DAB1: variants seen among roughly 807,000 people sequenced by gnomAD.
DAB1 encodes DAB adaptor protein 1, also known as disabled homolog 1.
A neutral mutation model predicts 64.6 loss-of-function variants in DAB1; 15 were observed. The ratio of observed to expected loss-of-function variants is 0.23; its 90% CI spans 0.16 to 0.36. The LOEUF (loss-of-function observed/expected upper bound fraction) is 0.36. DAB1 is among the 10% of genes least tolerant of loss of function. The probability of loss-of-function intolerance (pLI) is 1.00; values close to 1 mark genes in which losing one functional copy is unlikely to be tolerated. For synonymous variants in DAB1, 235 were observed against 251.9 expected (o/e 0.93, Z 0.64); for missense variants, 596 against 706.7 (o/e 0.84, Z 1.78).
At chr1:58,161,273 C>T (rs1239470521) in intron 4 of DAB1, among the ~76,000 whole-genome samples, 2 of 152,128 alleles carry the variant, frequency 1.3e-5, no homozygotes, top group African/African-American at 2.4e-5. Context: ...AGAGTAAAGC[C>T]TTATAAACAG....
At chr1:57,371,625 A>G (rs1680504019) in intron 1 of DAB1, among the ~76,000 whole-genome samples, 1 of 152,240 alleles carries the variant, frequency 6.6e-6, no homozygotes, top group Admixed American at 6.5e-5. Context: ...CAAAACTCAC[A>G]GCCCTGCTCT....
intron 2 of DAB1, among the ~76,000 whole-genome samples, chr1:57,230,682 C>CAT (rs66693176): frequency 0.55 from 84,026 of 151,644 alleles, 25,382 homozygotes; most frequent in East Asian, 0.76. Flanking sequence ...TATTTTGACA[C>CAT]ATATATATAA....
chr1:58,436,964 C>G (rs1644952111), intron 3 of DAB1, among the ~76,000 whole-genome samples: 1 of 152,210 alleles, frequency 6.6e-6, no homozygotes, highest in Non-Finnish European at 1.5e-5. Flanking sequence ...TCTCTCTGTC[C>G]CAGCACCTCT....
chr1:57,697,350 C>T (rs1221886931), intron 6 of DAB1, among the ~76,000 whole-genome samples: 2 of 133,232 alleles, frequency 1.5e-5, no homozygotes, highest in Non-Finnish European at 3.1e-5. Context: ...CTAGCAGAAT[C>T]GAAAATAAAA....
intron 3 of DAB1, among the ~76,000 whole-genome samples, chr1:58,389,337 C>T (rs947147339): frequency 6.6e-6 from 1 of 152,160 alleles, no homozygotes; most frequent in Non-Finnish European, 1.5e-5. Flanking sequence ...ACTCAGGAGA[C>T]TGAGGCAGGA....
At position 58,308,013 on chromosome 1, in the gene DAB1, C is replaced by T. The variant is rs1285691747; in HGVS notation, n.309+35339G>A. Reference sequence around the variant, plus strand: ...GACCTTGAAGAACATGAGAAATTTACCCCCATGTAGAAGGAGAAAGGAGAC... The same window carrying T: ...GACCTTGAAGAACATGAGAAATTTATCCCCATGTAGAAGGAGAAAGGAGAC... On this transcript the variant is annotated intron_variant and non_coding_transcript_variant, in intron 4 of 20. Transcript: ENST00000485760. Among the ~76,000 whole-genome samples the T allele has an allele frequency of 2.6e-5, 4 of 152,064 alleles. No individual in the cohort carries two copies. The East Asian group carries it at 7.7e-4, about 29-fold the overall frequency.
intron 7 of DAB1, among the ~76,000 whole-genome samples, chr1:57,514,405 T>C (rs11207051): frequency 0.07 from 10,651 of 152,222 alleles, 1,166 homozygotes; most frequent in African/African-American, 0.23. Context: ...ATTTTGGTTT[T>C]AATTTGGATT....
intron 3 of DAB1, among the ~76,000 whole-genome samples, chr1:58,361,192 T>C (rs893748414): frequency 6.6e-6 from 1 of 152,218 alleles, no homozygotes; most frequent in Non-Finnish European, 1.5e-5. Context: ...ACCACAGCCT[T>C]GCCCCTGGGT....
At chr1:58,088,245 C>T (rs1650437919) in intron 5 of DAB1, among the ~76,000 whole-genome samples, 1 of 152,178 alleles carries the variant, frequency 6.6e-6, no homozygotes, top group South Asian at 2.1e-4. Context: ...TAGGGTATTG[C>T]TTGAACAACA....
At chr1:57,595,350 T>C (rs1377386284) in intron 7 of DAB1, among the ~76,000 whole-genome samples, 1 of 152,138 alleles carries the variant, frequency 6.6e-6, no homozygotes, top group Non-Finnish European at 1.5e-5. Context: ...ATCAGCTTTT[T>C]TGGGCCCCCA....
In DAB1 at chr1:57,934,008, G is replaced by T. The variant is rs539167382; in HGVS notation, n.388-49846C>A. On this transcript the variant is annotated intron_variant and non_coding_transcript_variant, in intron 5 of 20. Transcript: ENST00000485760. ...CCTCCCAGGTTCAAGCAGTTCTCCTGCCTCAGCCTCCTGAGTAGCTGGGAT... is the reference window on the plus strand; with the variant it reads ...CCTCCCAGGTTCAAGCAGTTCTCCTTCCTCAGCCTCCTGAGTAGCTGGGAT... Among the ~76,000 whole-genome samples the T allele has an allele frequency of 4.6e-5, 7 of 151,094 alleles. No individual in the cohort carries two copies. In the East Asian group the frequency reaches 1.4e-3, roughly 29 times the overall value.
In DAB1 at chr1:57,529,790, T is replaced by G. The variant is rs145537825; in HGVS notation, n.625+119802A>C. On this transcript the variant is annotated intron_variant and non_coding_transcript_variant, in intron 7 of 20. Coordinates refer to the DAB1 transcript ENST00000485760. The stretch of plus-strand genomic sequence containing the variant: ...CCAAAAATAGTATCATAAGCTTCAT[T>G]TGTAATTGTAACTCTCACTCCTCCT... 9.5e-4 allele frequency among the ~76,000 whole-genome samples: 145 copies of G among 152,256 alleles called. 1 individual carries two copies. In the East Asian group the frequency reaches 0.023, roughly 24 times the overall value.
At chr1:57,452,062 G>A (rs1413637634) in intron 7 of DAB1, among the ~76,000 whole-genome samples, 3 of 151,330 alleles carry the variant, frequency 2.0e-5, no homozygotes, top group Non-Finnish European at 2.9e-5. Flanking sequence ...TCCCAAGAGA[G>A]ACTGACCAGC....
At chr1:58,057,572 A>G (rs758063948) in intron 5 of DAB1, among the ~76,000 whole-genome samples, 2 of 152,198 alleles carry the variant, frequency 1.3e-5, no homozygotes, top group Non-Finnish European at 2.9e-5. Flanking sequence ...CTGGAGCACT[A>G]CAGCTGCAAG....
intron 5 of DAB1, among the ~76,000 whole-genome samples, chr1:57,891,506 G>A (rs1644313762): frequency 6.6e-6 from 1 of 152,106 alleles, no homozygotes; most frequent in Non-Finnish European, 1.5e-5. Context: ...TCCCATTACT[G>A]GCTATATACC....
At chr1:58,220,337 ACCCCAGGTGTGAAGAAAGCG>A (rs1358815088) in intron 4 of DAB1, among the ~76,000 whole-genome samples, 1 of 152,166 alleles carries the variant, frequency 6.6e-6, no homozygotes, top group Non-Finnish European at 1.5e-5. Context: ...GGATCCAAGC[ACCCCAGGTGTGAAGAAAGCG>A]CCCCAGGTGT....
At chr1:57,079,812 C>A (rs1395967003) in intron 4 of DAB1, among the ~76,000 whole-genome samples, 1 of 152,182 alleles carries the variant, frequency 6.6e-6, no homozygotes, top group Non-Finnish European at 1.5e-5. Flanking sequence ...CTTCTCTTTG[C>A]AAGTTTCCCT....
chr1:57,287,980 G>C (rs1030011757), intron 2 of DAB1, among the ~76,000 whole-genome samples: 1 of 151,898 alleles, frequency 6.6e-6, no homozygotes, highest in Non-Finnish European at 1.5e-5. Flanking sequence ...ATTTTTAGTA[G>C]AGACGGGGTT....
chr1:57,468,912 G>T (rs577833929), intron 7 of DAB1, among the ~76,000 whole-genome samples: 15 of 152,232 alleles, frequency 9.9e-5, no homozygotes, highest in South Asian at 4.2e-4. Flanking sequence ...ATGGTGTAAG[G>T]TTACAGAGAT....
Sources: allele counts gnomAD v4.1 joint callset (sites outside exome capture counted in the v4.1 genomes callset), GRCh38; gene constraint gnomAD v4.1.1; transcripts MANE v1.5; gene names NCBI Gene and HGNC (gene_info 2026-07-23, HGNC 2026-07-21).